Variants in PABPN1 observed in about 807,000 individuals in gnomAD.
The protein encoded by PABPN1 is polyadenylate-binding protein 2.
PABPN1 carries 5 observed loss-of-function variants against 33.4 expected under a neutral mutation model. The observed-to-expected ratio is 0.15, with a 90% CI of 0.08 to 0.32. The LOEUF (loss-of-function observed/expected upper bound fraction) is 0.32. Ranked by LOEUF, PABPN1 falls within the 10% of genes least tolerant of loss-of-function variation. The probability of loss-of-function intolerance (pLI) is 1.00; values close to 1 mark genes in which losing one functional copy is unlikely to be tolerated. For missense variants in PABPN1, 312 were observed against 425.8 expected (o/e 0.73, Z 2.35); for synonymous variants, 176 against 170.6 (o/e 1.03, Z -0.25).
rs1187438263 is a variant in PABPN1, at chr14:23,323,989, CAA to C, written c.668_669del (p.Lys223ArgfsTer11). 3 of 1,614,026 alleles carry C rather than the reference CAA, an allele frequency of 1.9e-6. No individual in the cohort carries two copies. The highest frequency in any genetic ancestry group is 1.3e-5 in the African/African-American group (1 of 74,916). On this transcript the variant is annotated frameshift_variant, in exon 5 of 7. Transcript: ENST00000216727. LOFTEE classifies it high-confidence loss of function. Reference protein sequence around the residue: ...KGFAYIEFSDKESVRTSLALD... With the variant: ...KGFAYIEFSDXESVRTSLALD... ...GGTTTGCGTATATAGAGTTCTCAGA[CAA>C]AGAGTCAGTGAGGACTTCCTTGGCC...
intron 1 of PABPN1, 107 bp downstream of exon 1, chr14:23,321,927 G>GGGGGGGGGGGGGGGC: frequency 2.2e-6 from 1 of 458,120 alleles, no homozygotes; most frequent in Admixed American, 3.5e-5. Context: ...GTTGGGCGGG[G>GGGGGGGGGGGGGGGC]AATAACGTGG....
intron 1 of PABPN1, 34 bp downstream of exon 1, chr14:23,321,854 G>A (rs1007434685): frequency 7.7e-6 from 11 of 1,422,714 alleles, no homozygotes; most frequent in Admixed American, 2.9e-5. Context: ...CAGGCCGGCG[G>A]CTGGCCGGCC....
intron 4 of PABPN1, among the ~76,000 whole-genome samples, 189 bp from the exon 5 acceptor site, chr14:23,323,776 A>G (rs1267209288): frequency 1.3e-5 from 2 of 152,228 alleles, no homozygotes; most frequent in African/African-American, 4.8e-5. Context: ...TATTTTTACA[A>G]ATTTCAAAGA....
intron 1 of PABPN1, 77 bp from the exon 2 acceptor site, chr14:23,322,104 C>A: frequency 6.8e-7 from 1 of 1,462,842 alleles, no homozygotes; most frequent in Non-Finnish European, 9.4e-7. Context: ...TGAGGCCGCG[C>A]TCTGGCCGAG....
intron 6 of PABPN1, chr14:23,324,768 C>G (rs146920565): frequency 6.1e-5 from 16 of 260,438 alleles, no homozygotes; most frequent in African/African-American, 2.6e-4. Flanking sequence ...TTTATTTGAG[C>G]CAGTCTTGCA....
intron 6 of PABPN1, 49 bp downstream of exon 6, chr14:23,324,338 G>T: frequency 6.2e-7 from 1 of 1,602,982 alleles, no homozygotes; most frequent in Non-Finnish European, 8.5e-7. Context: ...CGTGAGCCCC[G>T]TATGCTTCCT....
chr14:23,323,286 G>A (rs1888463564), intron 3 of PABPN1, 91 bp from the exon 4 acceptor site: 2 of 1,365,544 alleles, frequency 1.5e-6, no homozygotes, highest in East Asian at 2.3e-5. Flanking sequence ...CATGTGCTTT[G>A]GTGTATGATG....
Position 23,325,505 on chromosome 14 carries a change from G to A in PABPN1, c.*219G>A. ...GGGAAGGCCCAGGGAGTGGGGCAGG[G>A]GGCTGCTTATTCACTCTGGGGATTC... On this transcript the variant is annotated 3_prime_UTR_variant, in exon 7 of 7. Coordinates refer to ENST00000216727, the MANE Select transcript of PABPN1 (RefSeq NM_004643.4). 1.7e-6 allele frequency: 1 copy of A among 603,512 alleles called. No homozygotes were observed. Among genetic ancestry groups the A allele is most frequent in the Non-Finnish European group, 2.8e-6 (1 of 354,226 alleles). 37.4% of individuals were successfully genotyped at this position (603,512 alleles called of 1,614,324 possible).
intron 6 of PABPN1, chr14:23,325,031 C>CCA: frequency 2.5e-6 from 1 of 400,366 alleles, no homozygotes; most frequent in Non-Finnish European, 4.0e-6. Flanking sequence ...TTCTTTTTCG[C>CCA]CACTGTTTGG....
At chr14:23,322,063 G>T (rs1023282364) in intron 1 of PABPN1, 118 bp from the exon 2 acceptor site, 2 of 1,104,488 alleles carry the variant, frequency 1.8e-6, no homozygotes, top group Non-Finnish European at 1.3e-6. Flanking sequence ...CACGACCCTC[G>T]CATGGGGCGA....
intron 4 of PABPN1, 88 bp downstream of exon 4, chr14:23,323,571 G>C (rs2138477065): frequency 8.0e-7 from 1 of 1,244,766 alleles, no homozygotes; most frequent in East Asian, 2.4e-5. Flanking sequence ...AAGTTATTTG[G>C]TGTTAACACA....
At chr14:23,325,112 G>A (rs1166090318) in intron 6 of PABPN1, 135 bp from the exon 7 acceptor site, 2 of 1,171,220 alleles carry the variant, frequency 1.7e-6, no homozygotes, top group East Asian at 2.5e-5. Context: ...GGATCATGGG[G>A]TCAGTTTTAG....
intron 6 of PABPN1, chr14:23,325,040 G>C: frequency 5.8e-6 from 2 of 344,572 alleles, no homozygotes; most frequent in Middle Eastern, 7.1e-4. Flanking sequence ...GCCACTGTTT[G>C]GCAGTTTTCT....
Position 23,324,208 on chromosome 14 carries a change from G to C in PABPN1, c.800G>C (p.Arg267Pro). The C allele has an allele frequency of 1.2e-6, 2 of 1,614,140 alleles. No homozygotes were observed. Among genetic ancestry groups the C allele is most frequent in the Non-Finnish European group, 1.7e-6 (2 of 1,180,030 alleles). ...CGGGGTTTTCCACGAGCCCGCTACC[G>C]CGCCCGGACCACCAACTACAACAGC... Reference protein sequence around the residue: ...TDRGFPRARYRARTTNYNSSR... With the variant: ...TDRGFPRARYPARTTNYNSSR... Residue 267 changes from arginine (R) to proline (P), a missense_variant, in exon 6 of 7, where the codon CGC becomes CCC. By Grantham distance (103) the Arg-to-Pro change is moderately radical. Transcript: ENST00000216727.
At position 23,322,170 on chromosome 14, in the gene PABPN1, A is replaced by G; in HGVS notation, c.352-11A>G. ...TTAAGCTGTCCTCCATACCCTCCCC[A>G]CTTATATTAGGAGCTGGAAGCTATC... is the stretch of plus-strand genomic sequence containing the variant. On this transcript the variant is annotated splice_polypyrimidine_tract_variant and intron_variant, in intron 1 of 6. Transcript: ENST00000216727. The G allele has an allele frequency of 1.3e-6, 2 of 1,597,974 alleles. No homozygotes were observed. The highest frequency in any genetic ancestry group is 1.1e-5 in the South Asian group (1 of 87,982).
At chr14:23,322,563 G>C (rs1417427882) in intron 2 of PABPN1, 2 of 513,536 alleles carry the variant, frequency 3.9e-6, no homozygotes, top group Admixed American at 6.4e-5. Flanking sequence ...TTTCTTTGTA[G>C]AGGTTGCGTG....
intron 2 of PABPN1, chr14:23,322,622 C>T: frequency 6.5e-6 from 3 of 459,260 alleles, no homozygotes; most frequent in South Asian, 2.2e-5. Flanking sequence ...ATTGGAGACG[C>T]TTTAGGATTC....
In PABPN1 at chr14:23,324,347, C is replaced by G. The variant is rs532328026; in HGVS notation, c.881+58C>G. 7.2e-5 allele frequency: 116 copies of G among 1,601,950 alleles called. No homozygotes were observed. In the South Asian group the frequency reaches 1.2e-3, roughly 17 times the overall value. On this transcript the variant is annotated intron_variant, in intron 6 of 6. Coordinates refer to ENST00000216727, the MANE Select transcript of PABPN1 (RefSeq NM_004643.4). ...GCCTCCCGTGAGCCCCGTATGCTTC[C>G]TCCTCTCTGGTCTGAGGAACCTCCC...
Position 23,325,370 on chromosome 14 carries a change from CA to C in PABPN1, c.*85del. On this transcript the variant is annotated 3_prime_UTR_variant, in exon 7 of 7. Coordinates refer to ENST00000216727, the MANE Select transcript of PABPN1 (RefSeq NM_004643.4). The stretch of plus-strand genomic sequence containing the variant: ...GAATTAAAAAAAAAAAAAAGAAAAA[CA>C]GAAGATGACCTTGATGGAAAAAAAA... The C allele has an allele frequency of 1.5e-6, 2 of 1,353,252 alleles. No individual in the cohort carries two copies. Among genetic ancestry groups the C allele is most frequent in the East Asian group, 2.5e-5 (1 of 39,720 alleles). The allele number at this position is 1,353,252 out of a possible 1,614,324, so 83.8% of individuals were successfully genotyped here.
Sources: allele counts gnomAD v4.1 joint callset (sites outside exome capture counted in the v4.1 genomes callset), GRCh38; gene constraint gnomAD v4.1.1; transcripts MANE v1.5; gene names NCBI Gene and HGNC (gene_info 2026-07-23, HGNC 2026-07-21).